The following OSBPL9 variants were observed in gnomAD, a reference collection of about 807,000 sequenced individuals.
OSBPL9 encodes the protein oxysterol binding protein like 9.
In OSBPL9, 40 loss-of-function variants were observed where a neutral mutation model predicts 106.6. The observed-to-expected ratio is 0.38, with a 90% CI of 0.29 to 0.49. The LOEUF is 0.49. Ranked by LOEUF, OSBPL9 falls within the 20% of genes least tolerant of loss-of-function variation. The pLI is 0.97. For missense variants in OSBPL9, 609 were observed against 887.2 expected, an observed-to-expected ratio of 0.69 and a Z score of 3.98; for synonymous variants, 269 against 295.4, an observed-to-expected ratio of 0.91 and a Z score of 0.92.
intron 3 of OSBPL9, among the ~76,000 whole-genome samples, chr1:51,696,427 G>A (rs1014375854): frequency 6.6e-6 from 1 of 152,016 alleles, no homozygotes; most frequent in Non-Finnish European, 1.5e-5. Flanking sequence ...ACAACAAAAA[G>A]CCCTAAAGAC....
the OSBPL9 span, among the ~76,000 whole-genome samples, chr1:51,568,314 T>C: frequency 2.6e-5 from 4 of 152,298 alleles, no homozygotes; most frequent in African/African-American, 9.6e-5. Context: ...GGTGTTACTA[T>C]CCCCCACTTT....
chr1:51,608,182 A>G (rs1643961757), intron 2 of OSBPL9, among the ~76,000 whole-genome samples: 1 of 152,222 alleles, frequency 6.6e-6, no homozygotes, highest in Non-Finnish European at 1.5e-5. Context: ...GAGCCCACTC[A>G]TCCAACTCCT....
In OSBPL9 at chr1:51,745,544, T is replaced by C; in HGVS notation, c.327T>C (p.Asp109=). ...LRHTLQLQGL[D]SGFVPSVQDF... is the part of the protein sequence containing the mutation. ...AAATTCTCTTTCTCTAGGGTTTGGA[T>C]TCAGGATTTGTTCCTAGTGTCCAAG... is the stretch of plus-strand genomic sequence containing the variant. Residue 109 remains aspartate, a synonymous_variant, in exon 5 of 24, where the codon GAT becomes GAC. Coordinates refer to ENST00000428468, the MANE Select transcript of OSBPL9 (RefSeq NM_024586.6). 1 of 1,611,668 alleles carries C rather than the reference T, an allele frequency of 6.2e-7. No individual in the cohort carries two copies. Among genetic ancestry groups the C allele is most frequent in the Non-Finnish European group, 8.5e-7 (1 of 1,178,964 alleles).
intron 1 of OSBPL9, among the ~76,000 whole-genome samples, chr1:51,623,219 C>T (rs1379802798): frequency 6.6e-6 from 1 of 151,732 alleles, no homozygotes; most frequent in Non-Finnish European, 1.5e-5. Context: ...ATATATGAAG[C>T]GAATGGAGGT....
At chr1:51,746,900 A>G (rs1289714019) in intron 6 of OSBPL9, 143 bp downstream of exon 6, 3 of 607,986 alleles carry the variant, frequency 4.9e-6, no homozygotes, top group Non-Finnish European at 8.5e-6. Context: ...CCTCAAGGGT[A>G]CTTTTCTGAT....
At chr1:51,665,213 TG>T (rs1259592547) in intron 2 of OSBPL9, among the ~76,000 whole-genome samples, 2 of 152,168 alleles carry the variant, frequency 1.3e-5, no homozygotes, top group South Asian at 4.1e-4. Flanking sequence ...GGGGCAGTCT[TG>T]GTTCACGGCA....
upstream of OSBPL9, among the ~76,000 whole-genome samples, chr1:51,613,837 G>A (rs1293913295): frequency 2.0e-5 from 3 of 151,878 alleles, no homozygotes; most frequent in African/African-American, 4.8e-5. Flanking sequence ...GACCTCCTGG[G>A]CTCAAGCAAT....
chr1:51,787,572 T>C, intron 23 of OSBPL9, 84 bp downstream of exon 23: 2 of 1,605,028 alleles, frequency 1.2e-6, no homozygotes, highest in Non-Finnish European at 1.7e-6. Context: ...TGCCAAACAC[T>C]GTTTATAAAC....
intron 3 of OSBPL9, among the ~76,000 whole-genome samples, chr1:51,675,823 A>G (rs1175089706): frequency 6.6e-6 from 1 of 152,234 alleles, no homozygotes; most frequent in Non-Finnish European, 1.5e-5. Flanking sequence ...ATGATTTAAT[A>G]TCATTCATAA....
At chr1:51,765,270 C>T (rs572219698) in intron 11 of OSBPL9, among the ~76,000 whole-genome samples, 8 of 152,240 alleles carry the variant, frequency 5.3e-5, no homozygotes, top group Middle Eastern at 3.4e-3. Context: ...TTTATCTCCA[C>T]CTCTGAGCCC....
Position 51,578,282 on chromosome 1 carries a change from C to A in OSBPL9, c.-423+1026C>A, listed in dbSNP as rs79853296. 2.7e-3 allele frequency among the ~76,000 whole-genome samples: 404 copies of A among 152,242 alleles called. 1 individual carries two copies. The highest frequency in any genetic ancestry group is 8.8e-3 in the African/African-American group (367 of 41,548). ...ATAGTTGTATAACTTTGGCCTTGAA[C>A]TTTATGGTAGAAGAGGTTAGAATAG... On this transcript the variant is annotated intron_variant, in intron 1 of 25. Transcript: ENST00000371714.
At chr1:51,610,977 A>G (rs1271450838) in intron 2 of OSBPL9, among the ~76,000 whole-genome samples, 1 of 152,068 alleles carries the variant, frequency 6.6e-6, no homozygotes, top group South Asian at 2.1e-4. Flanking sequence ...ATGGGGCTGT[A>G]AAGAATGAAA....
intron 15 of OSBPL9, 27 bp from the exon 16 acceptor site, chr1:51,781,137 A>T: frequency 6.2e-7 from 1 of 1,608,564 alleles, no homozygotes; most frequent in Non-Finnish European, 8.5e-7. Flanking sequence ...AAAGCAGGAC[A>T]TTAAATTTTG....
the OSBPL9 span, among the ~76,000 whole-genome samples, chr1:51,537,091 TA>T: frequency 1.3e-5 from 2 of 152,266 alleles, no homozygotes; most frequent in African/African-American, 4.8e-5. Context: ...TTTCTACTTC[TA>T]TCATTCCATC....
chr1:51,611,308 T>C (rs1232838095), intron 2 of OSBPL9, among the ~76,000 whole-genome samples: 1 of 151,572 alleles, frequency 6.6e-6, no homozygotes, highest in East Asian at 1.9e-4. Flanking sequence ...CTACCAAATA[T>C]AAGCATGATC....
chr1:51,573,508 C>CAAAAAAAA (rs961323006), upstream of OSBPL9, among the ~76,000 whole-genome samples: 1 of 25,058 alleles, frequency 4.0e-5, no homozygotes, highest in Non-Finnish European at 7.6e-5. Context: ...AACTCCATCT[C>CAAAAAAAA]AAAAAAAAAA....
intron 3 of OSBPL9, among the ~76,000 whole-genome samples, chr1:51,711,379 A>C (rs981138114): frequency 6.8e-6 from 1 of 146,454 alleles, no homozygotes; most frequent in African/African-American, 2.5e-5. Context: ...CTGGCCGGGC[A>C]GAGGGGCTCT....
At chr1:51,525,755 A>G in the OSBPL9 span, among the ~76,000 whole-genome samples, 1 of 152,210 alleles carries the variant, frequency 6.6e-6, no homozygotes, top group African/African-American at 2.4e-5. Context: ...TCTCCATATC[A>G]TAAACTGAAT....
chr1:51,784,920 G>A (rs1187665969), intron 20 of OSBPL9: 1 of 284,716 alleles, frequency 3.5e-6, no homozygotes, highest in Non-Finnish European at 6.6e-6. Context: ...CCTTACAGCA[G>A]ACTTTGTGAC....
Sources: gnomAD v4.1 joint callset for allele counts (sites outside exome capture counted in the v4.1 genomes callset) on GRCh38, gnomAD v4.1.1 for gene constraint, MANE v1.5 for transcripts, NCBI Gene and HGNC (gene_info 2026-07-23, HGNC 2026-07-21) for gene names.